Variants in RPS6KC1 observed in about 807,000 individuals in gnomAD.
RPS6KC1 encodes inactive ribosomal protein S6 kinase delta-1.
Under a neutral mutation model 103.8 loss-of-function variants are expected in RPS6KC1, and 54 were observed. That is an observed-to-expected ratio of 0.52 (90% CI 0.42 to 0.65). The LOEUF (loss-of-function observed/expected upper bound fraction) is 0.65, where lower values mean the gene tolerates loss of function less well. RPS6KC1 is among the 30% of genes least tolerant of loss of function. The pLI is 0.00. For synonymous variants in RPS6KC1, 439 were observed against 438.7 expected, an observed-to-expected ratio of 1.00 and a Z score of -0.01; for missense variants, 1,151 against 1,253.8, an observed-to-expected ratio of 0.92 and a Z score of 1.24.
At chr1:213,058,950 G>C (rs77775742) in intron 1 of RPS6KC1, among the ~76,000 whole-genome samples, 1,642 of 152,256 alleles carry the variant, frequency 0.011, 33 homozygotes, top group African/African-American at 0.037. Flanking sequence ...TTGTGGTTTT[G>C]AGCAAATTGC....
the RPS6KC1 span, among the ~76,000 whole-genome samples, chr1:213,491,722 C>T: frequency 4.3e-4 from 65 of 152,220 alleles, no homozygotes; most frequent in African/African-American, 1.5e-3. Flanking sequence ...TCACCCTGTA[C>T]GGCAGACACA....
At chr1:213,608,151 C>T in the RPS6KC1 span, among the ~76,000 whole-genome samples, 16 of 152,140 alleles carry the variant, frequency 1.1e-4, no homozygotes, top group Admixed American at 3.3e-4. Flanking sequence ...AGTAATTGAT[C>T]AGAGCCTCTC....
rs557776389 is a variant in RPS6KC1 at position 213,165,456 on chromosome 1, C to T, written c.836-2402C>T. ...TTGTTTTTTTTGAGATGGAGACTTG[C>T]ACTGTCGCCCAGGCTGGAGTGCAGT... On this transcript the variant is annotated intron_variant, in intron 6 of 14. Transcript: ENST00000366960. Among the ~76,000 whole-genome samples the T allele has an allele frequency of 1.1e-4, 16 of 151,738 alleles. No individual in the cohort carries two copies. The South Asian group carries it at 3.3e-3, about 32-fold the overall frequency.
rs190672807 is a variant in RPS6KC1 at position 213,238,795 on chromosome 1, A to G, written c.1226-1907A>G. 4.6e-5 allele frequency among the ~76,000 whole-genome samples: 7 copies of G among 152,306 alleles called. No individual in the cohort carries two copies. The East Asian group carries it at 1.4e-3, about 29-fold the overall frequency. On this transcript the variant is annotated intron_variant, in intron 10 of 14. Transcript: ENST00000366960. The stretch of plus-strand genomic sequence containing the variant: ...TCTGATTTAACAAGCAGTGACTTTT[A>G]TGTCCTGCACATTGTGTAGGCAGTA...
At chr1:213,388,407 C>T in the RPS6KC1 span, among the ~76,000 whole-genome samples, 2 of 152,222 alleles carry the variant, frequency 1.3e-5, no homozygotes, top group South Asian at 2.1e-4. Context: ...AGGCATGTGG[C>T]CCTGGACGCT....
the RPS6KC1 span, among the ~76,000 whole-genome samples, chr1:213,566,573 C>CT: frequency 2.0e-5 from 3 of 147,056 alleles, no homozygotes; most frequent in Admixed American, 6.9e-5. Flanking sequence ...ATTTTGCTCC[C>CT]TTTTTTCACA....
the RPS6KC1 span, among the ~76,000 whole-genome samples, chr1:213,693,763 C>T: frequency 3.4e-3 from 525 of 152,332 alleles, 3 homozygotes; most frequent in African/African-American, 0.011. Flanking sequence ...TAGCCCACTT[C>T]CTATTGGTGT....
chr1:213,144,153 G>T (rs1020268956), intron 6 of RPS6KC1, among the ~76,000 whole-genome samples: 2 of 152,062 alleles, frequency 1.3e-5, no homozygotes, highest in African/African-American at 2.4e-5. Flanking sequence ...CAGGTTCTGG[G>T]CTTAGGGCAT....
the RPS6KC1 span, among the ~76,000 whole-genome samples, chr1:213,398,899 A>G: frequency 8.4e-4 from 128 of 152,292 alleles, 1 homozygote; most frequent in Admixed American, 1.6e-3. Flanking sequence ...ATAAATGTCC[A>G]TTTAGAGTCT....
the RPS6KC1 span, among the ~76,000 whole-genome samples, chr1:213,387,141 G>A: frequency 6.6e-6 from 1 of 152,226 alleles, no homozygotes; most frequent in East Asian, 1.9e-4. Context: ...ACCATGAAGA[G>A]GATCTAGAGA....
chr1:213,586,940 G>C, the RPS6KC1 span, among the ~76,000 whole-genome samples: 4 of 152,274 alleles, frequency 2.6e-5, no homozygotes, highest in East Asian at 7.7e-4. Flanking sequence ...AAGCTTTCTT[G>C]TTCTCGTTAG....
At chr1:213,476,228 T>A in the RPS6KC1 span, among the ~76,000 whole-genome samples, 1 of 152,202 alleles carries the variant, frequency 6.6e-6, no homozygotes, top group South Asian at 2.1e-4. Context: ...GGATCTTGAC[T>A]GGGCTTGGCC....
chr1:213,693,573 A>G, the RPS6KC1 span, among the ~76,000 whole-genome samples: 1 of 152,174 alleles, frequency 6.6e-6, no homozygotes, highest in Non-Finnish European at 1.5e-5. Context: ...AACAACACTG[A>G]GTGGTCACTG....
At chr1:213,688,995 C>T in the RPS6KC1 span, among the ~76,000 whole-genome samples, 8 of 152,304 alleles carry the variant, frequency 5.3e-5, no homozygotes, top group South Asian at 2.1e-4. Context: ...GAAAGGGAGG[C>T]TGGAGAGAAG....
chr1:213,360,793 G>A, the RPS6KC1 span, among the ~76,000 whole-genome samples: 4 of 152,218 alleles, frequency 2.6e-5, no homozygotes, highest in African/African-American at 9.6e-5. Flanking sequence ...ACCCTCAGCT[G>A]CAGATCTGTT....
chr1:213,472,617 A>G, the RPS6KC1 span, among the ~76,000 whole-genome samples: 1 of 152,182 alleles, frequency 6.6e-6, no homozygotes, highest in Admixed American at 6.5e-5. Context: ...AAACTCTACT[A>G]TGCTCAGCAG....
At chr1:213,844,396 C>T in the RPS6KC1 span, among the ~76,000 whole-genome samples, 1 of 152,146 alleles carries the variant, frequency 6.6e-6, no homozygotes, top group Non-Finnish European at 1.5e-5. Flanking sequence ...TTATCCTTAG[C>T]AAATCAAATG....
chr1:213,347,825 TAAG>T, the RPS6KC1 span, among the ~76,000 whole-genome samples: 3 of 152,162 alleles, frequency 2.0e-5, no homozygotes, highest in Non-Finnish European at 4.4e-5. Context: ...ATGGGAAAGA[TAAG>T]AAGGCAGACA....
At chr1:213,077,877 C>G in intron 3 of RPS6KC1, 61 bp downstream of exon 3, 4 of 939,424 alleles carry the variant, frequency 4.3e-6, no homozygotes, top group Non-Finnish European at 4.5e-6. Context: ...ATATACTGAA[C>G]TCTAACATAA....
Sources: gnomAD v4.1 joint callset for allele counts (sites outside exome capture counted in the v4.1 genomes callset) on GRCh38, gnomAD v4.1.1 for gene constraint, MANE v1.5 for transcripts, NCBI Gene and HGNC (gene_info 2026-07-23, HGNC 2026-07-21) for gene names.